The following NPL variants were observed in gnomAD, a reference collection of about 807,000 sequenced individuals.
The protein encoded by NPL is N-acetylneuraminate lyase.
A neutral mutation model predicts 41.1 loss-of-function variants in NPL; 32 were observed. The observed-to-expected ratio is 0.78, with a 90% CI of 0.59 to 1.05. The LOEUF (loss-of-function observed/expected upper bound fraction) is 1.05. NPL is among the 50% of genes least tolerant of loss of function. The pLI, the probability that NPL is intolerant of heterozygous loss-of-function variation, is 0.00. For missense variants in NPL, 321 were observed against 378.4 expected (o/e 0.85, Z 1.26); for synonymous variants, 128 against 134.9 (o/e 0.95, Z 0.35).
At chr1:182,799,339 C>T (rs1332782206) in intron 3 of NPL, among the ~76,000 whole-genome samples, 1 of 152,124 alleles carries the variant, frequency 6.6e-6, no homozygotes, top group Non-Finnish European at 1.5e-5. Context: ...TTATACTCAT[C>T]CATAAAATAG....
intron 9 of NPL, 31 bp from the exon 10 acceptor site, chr1:182,818,782 A>T (rs1667408943): frequency 6.2e-7 from 1 of 1,613,756 alleles, no homozygotes; most frequent in South Asian, 1.1e-5. Context: ...TCTCTTTTTT[A>T]TACAAGTGAA....
Position 182,803,688 on chromosome 1 carries a change from T to C in NPL, c.69-10T>C. 6 of 1,595,358 alleles carry C rather than the reference T, an allele frequency of 3.8e-6. No homozygotes were observed. The highest frequency in any genetic ancestry group is 5.2e-6 in the Non-Finnish European group (6 of 1,162,922). On this transcript the variant is annotated splice_polypyrimidine_tract_variant and intron_variant, in intron 3 of 12. Transcript: ENST00000367553. The stretch of plus-strand genomic sequence containing the variant: ...GACTAAATATGCCTTTTTTTCCACA[T>C]GTCTTCTAGAGAAATCAACTTTTCA...
At position 182,812,226 on chromosome 1, in the gene NPL, T is replaced by C. The variant is rs1362337280; in HGVS notation, c.288+13T>C. On this transcript the variant is annotated intron_variant, in intron 6 of 12. Transcript: ENST00000367553. ...GTCACAGGAACTGGTATGTATGCAG[T>C]TCCATCTGGGAGAGACCATTCAAGG... 2 of 1,612,098 alleles carry C rather than the reference T, an allele frequency of 1.2e-6. No individual in the cohort carries two copies. The highest frequency in any genetic ancestry group is 3.3e-5 in the Admixed American group (2 of 59,992).
In NPL at chr1:182,828,639, G is replaced by A; in HGVS notation, c.779-85G>A. On this transcript the variant is annotated intron_variant, in intron 12 of 12. Transcript: ENST00000367553. This position sits in a 1 kb window ranked among gnomAD's most constrained non-coding sequence, Gnocchi z 4.0. The stretch of plus-strand genomic sequence containing the variant: ...ATCTTACCCTGTTGTAGTAGTTGCT[G>A]TTAGCATATGATCTCCTTCTTTGGG... 2.6e-6 allele frequency: 4 copies of A among 1,564,440 alleles called. No homozygotes were observed. In the South Asian group the frequency reaches 4.5e-5, roughly 18 times the overall value.
At chr1:182,811,984 A>AC (rs1308137727) in intron 5 of NPL, among the ~76,000 whole-genome samples, 172 bp from the exon 6 acceptor site, 3 of 152,224 alleles carry the variant, frequency 2.0e-5, no homozygotes, top group Non-Finnish European at 4.4e-5. Context: ...GACCTAGGTT[A>AC]AAAAGATCAC....
intron 11 of NPL, among the ~76,000 whole-genome samples, chr1:182,825,041 G>A (rs1667594985): frequency 6.6e-6 from 1 of 152,176 alleles, no homozygotes; most frequent in African/African-American, 2.4e-5. Flanking sequence ...TGAGTCATAT[G>A]CCAAAATCAC....
intron 12 of NPL, chr1:182,826,620 C>T (rs1312338824): frequency 3.3e-5 from 5 of 152,172 alleles, no homozygotes; most frequent in Admixed American, 2.0e-4. Flanking sequence ...TTTCCACTTT[C>T]GTGATTTTTG....
chr1:182,809,160 AATGATG>A, intron 5 of NPL: 4 of 418,604 alleles, frequency 9.6e-6, no homozygotes, highest in South Asian at 6.9e-5. Context: ...CAGGGAGTGT[AATGATG>A]CTTTCACCCC....
chr1:182,814,636 C>T, intron 6 of NPL, 147 bp from the exon 7 acceptor site: 1 of 705,016 alleles, frequency 1.4e-6, no homozygotes, highest in South Asian at 1.6e-5. Flanking sequence ...CTGGCAATGA[C>T]ATTCATTAAA....
In NPL at chr1:182,828,575, C is replaced by G; in HGVS notation, c.779-149C>G. On this transcript the variant is annotated intron_variant, in intron 12 of 12. Transcript: ENST00000367553. The surrounding 1 kb of genome is among the most constrained non-coding windows in gnomAD (Gnocchi z 4.0). ...AGAGGGATTTCGAATGATTGCTCATCTGTCATATTGACTAGAAATGTTCCC... is the reference window on the plus strand; with the variant it reads ...AGAGGGATTTCGAATGATTGCTCATGTGTCATATTGACTAGAAATGTTCCC... 1 of 983,202 alleles carries G rather than the reference C, an allele frequency of 1.0e-6. No individual in the cohort carries two copies. The highest frequency in any genetic ancestry group is 1.5e-5 in the South Asian group (1 of 66,816). The allele number at this position is 983,202 out of a possible 1,614,324, so 60.9% of individuals were successfully genotyped here. A position where few individuals can be genotyped will look rare whatever the true frequency, so the allele number is the denominator to read the frequency against.
intron 4 of NPL, among the ~76,000 whole-genome samples, chr1:182,804,355 T>C (rs1436627099): frequency 6.6e-6 from 1 of 152,204 alleles, no homozygotes; most frequent in African/African-American, 2.4e-5. Flanking sequence ...CTCGAACTCC[T>C]GACCTCAGGT....
At chr1:182,790,939 G>A (rs755532734) in intron 1 of NPL, among the ~76,000 whole-genome samples, 2 of 152,144 alleles carry the variant, frequency 1.3e-5, no homozygotes, top group Admixed American at 6.5e-5. Context: ...CACCGCGCCC[G>A]GCCAAAGTCG....
intron 11 of NPL, among the ~76,000 whole-genome samples, chr1:182,825,128 G>T (rs1014828351): frequency 3.9e-5 from 6 of 152,212 alleles, no homozygotes; most frequent in South Asian, 2.1e-4. Context: ...TCTGATTTTT[G>T]AGAGGACTTA....
chr1:182,828,593 A>G lies in NPL; in HGVS notation c.779-131A>G. ...TGCTCATCTGTCATATTGACTAGAA[A>G]TGTTCCCATCTTTTGTTTTAATCTT... On this transcript the variant is annotated intron_variant, in intron 12 of 12. Transcript: ENST00000367553. This position sits in a 1 kb window ranked among gnomAD's most constrained non-coding sequence, Gnocchi z 4.0. 3 of 1,146,296 alleles carry G rather than the reference A, an allele frequency of 2.6e-6. No individual in the cohort carries two copies. Among genetic ancestry groups the G allele is most frequent in the Non-Finnish European group, 3.8e-6 (3 of 782,218 alleles). The allele number at this position is 1,146,296 out of a possible 1,614,324, so 71.0% of individuals were successfully genotyped here. A position where few individuals can be genotyped will look rare whatever the true frequency, so the allele number is the denominator to read the frequency against.
chr1:182,815,135 C>T (rs1294007744), intron 7 of NPL, among the ~76,000 whole-genome samples: 1 of 152,158 alleles, frequency 6.6e-6, no homozygotes, highest in Non-Finnish European at 1.5e-5. Flanking sequence ...AGTGTCTGCT[C>T]CTAGACCAGT....
chr1:182,805,569 AAAAT>A (rs1275375873), intron 4 of NPL, among the ~76,000 whole-genome samples: 2 of 152,240 alleles, frequency 1.3e-5, no homozygotes, highest in African/African-American at 4.8e-5. Flanking sequence ...GTAAATGAGA[AAAAT>A]AATTTCTACT....
Position 182,803,761 on chromosome 1 carries a change from G to C in NPL, c.132G>C (p.Lys44Asn), listed in dbSNP as rs1015718709. The change falls in exon 4 of 13, where the codon AAG (lysine) becomes AAC (asparagine). Residue 44 changes from lysine to asparagine, a missense_variant. By Grantham distance (94) the Lys-to-Asn change is moderately conservative. Coordinates refer to ENST00000367553, the MANE Select transcript of NPL (RefSeq NM_030769.3). ...ATCTTGTGAAAGAACAGGGAGTGAA[G>C]AACATTTTTGGTAAGTCAACTCTGG... ...VDYLVKEQGVKNIFVNGTTGE... is the reference protein window; with the variant it reads ...VDYLVKEQGVNNIFVNGTTGE... 1 of 1,611,188 alleles carries C rather than the reference G, an allele frequency of 6.2e-7. No homozygotes were observed. The highest frequency in any genetic ancestry group is 8.5e-7 in the Non-Finnish European group (1 of 1,177,342).
intron 6 of NPL, 134 bp from the exon 7 acceptor site, chr1:182,814,649 T>C: frequency 1.4e-6 from 1 of 738,744 alleles, no homozygotes; most frequent in East Asian, 2.7e-5. Flanking sequence ...TCATTAAATT[T>C]GGTTAATTTT....
chr1:182,815,158 G>T (rs893853742), intron 7 of NPL, among the ~76,000 whole-genome samples: 1 of 152,178 alleles, frequency 6.6e-6, no homozygotes, highest in Admixed American at 6.5e-5. Flanking sequence ...GTTGCATAGG[G>T]TGTCAGTCAC....
Sources: gnomAD v4.1 joint callset for allele counts (sites outside exome capture counted in the v4.1 genomes callset) on GRCh38, gnomAD v4.1.1 for gene constraint, Gnocchi (gnomAD v3.1) non-coding constraint, MANE v1.5 for transcripts, NCBI Gene and HGNC (gene_info 2026-07-23, HGNC 2026-07-21) for gene names.